Variants in RUBCNL observed in about 807,000 individuals in gnomAD.
RUBCNL encodes protein associated with UVRAG as autophagy enhancer.
RUBCNL carries 62 observed loss-of-function variants against 69.5 expected under a neutral mutation model. That is an observed-to-expected ratio of 0.89 (90% CI 0.73 to 1.10). The LOEUF (loss-of-function observed/expected upper bound fraction) is 1.10, where lower values mean the gene tolerates loss of function less well. Ranked by LOEUF, RUBCNL falls within the 50% of genes least tolerant of loss-of-function variation. RUBCNL has a pLI of 0.00. For missense variants in RUBCNL, 768 were observed against 798.1 expected (o/e 0.96, Z 0.45); for synonymous variants, 291 against 303.6 (o/e 0.96, Z 0.43).
At position 46,368,156 on chromosome 13, in the gene RUBCNL, T is replaced by C; in HGVS notation, c.712A>G (p.Ser238Gly). Residue 238 changes from serine to glycine, a missense_variant, in exon 5 of 15, where the codon AGT becomes GGT. Physicochemically the swap from Ser to Gly is moderately conservative, Grantham distance 56 (BLOSUM62 0). Transcript: ENST00000429979. ...CCAAGTAACCCACTGACTTCTTTAC[T>C]CCAGCTCTCTGTCTGCTGTTGACTC... ...ILSQQQTESW[S>G]KEVSGLLGSD... The C allele has an allele frequency of 1.2e-6, 2 of 1,614,004 alleles. No individual in the cohort carries two copies. Among genetic ancestry groups the C allele is most frequent in the Non-Finnish European group, 1.7e-6 (2 of 1,179,888 alleles).
Position 46,341,565 on chromosome 13 carries a change from T to A in RUBCNL, c.*1820A>T, listed in dbSNP as rs141198577. On this transcript the variant is annotated 3_prime_UTR_variant, in exon 15 of 15. Coordinates refer to ENST00000429979, the MANE Select transcript of RUBCNL (RefSeq NM_025113.5). ...GCACTCTTCCTTAATATCAAAGATA[T>A]GTAACACACACAGGCTCATCAGTGC... Among the ~76,000 whole-genome samples the A allele has an allele frequency of 6.6e-6, 1 of 152,216 alleles. No individual in the cohort carries two copies. Among genetic ancestry groups the A allele is most frequent in the South Asian group, 2.1e-4 (1 of 4,836 alleles).
Position 46,368,743 on chromosome 13 carries a change from T to A in RUBCNL, c.608A>T (p.Asp203Val). 1.2e-6 allele frequency: 2 copies of A among 1,613,334 alleles called. No homozygotes were observed. Among genetic ancestry groups the A allele is most frequent in the African/African-American group, 2.7e-5 (2 of 75,036 alleles). Residue 203 changes from aspartate (D) to valine (V), a missense_variant, in exon 4 of 15, where the codon GAT (aspartate) becomes GTT (valine). Coordinates refer to ENST00000429979, the MANE Select transcript of RUBCNL (RefSeq NM_025113.5). ...GAAGATAGCATTCACCTTTTCTACA[T>A]CAACAGGCAGCACAAATACCTCTGG... ...FSPEVFVLPV[D>V]VEKENAHFYV... is the part of the protein sequence containing the mutation.
Position 46,380,532 on chromosome 13 carries a change from A to C in RUBCNL, c.-238-2527T>G, listed in dbSNP as rs187807712. Among the ~76,000 whole-genome samples, 341 of 152,328 alleles carry C rather than the reference A, an allele frequency of 2.2e-3. 4 individuals carry two copies. The highest frequency in any genetic ancestry group is 0.012 in the South Asian group (57 of 4,820). ...GGGCTGAAATTAGCAGGCTATTTTC[A>C]ATTTCATTAGCAAAGTAATTTTAAG... On this transcript the variant is annotated intron_variant, in intron 1 of 14. Coordinates refer to ENST00000429979, the MANE Select transcript of RUBCNL (RefSeq NM_025113.5).
In RUBCNL at chr13:46,371,359, G is replaced by T. The variant is rs1028092472; in HGVS notation, c.535+582C>A. ...TTTATTGACTCTTGAGTAGTACTTC[G>T]CACGGATTATCCAATTTTTAGGAAT... is the stretch of plus-strand genomic sequence containing the variant. On this transcript the variant is annotated intron_variant, in intron 3 of 14. Coordinates refer to ENST00000429979, the MANE Select transcript of RUBCNL (RefSeq NM_025113.5). Among the ~76,000 whole-genome samples the T allele has an allele frequency of 3.9e-5, 6 of 152,058 alleles. No individual in the cohort carries two copies. In the South Asian group the frequency reaches 8.3e-4, roughly 21 times the overall value.
rs1372061023 is a variant in RUBCNL, at chr13:46,340,528, A to C, written c.*2857T>G. On this transcript the variant is annotated 3_prime_UTR_variant, in exon 15 of 15. Transcript: ENST00000429979. ...TTACAAACAGAGGCTTAGATAATTT[A>C]AATGGCTTCCCCAGTGTCTGAGTCT... 6.6e-6 allele frequency among the ~76,000 whole-genome samples: 1 copy of C among 152,218 alleles called. No individual in the cohort carries two copies. The highest frequency in any genetic ancestry group is 1.5e-5 in the Non-Finnish European group (1 of 68,048).
chr13:46,346,596 A>G (rs1221133172), intron 12 of RUBCNL, among the ~76,000 whole-genome samples: 1 of 152,212 alleles, frequency 6.6e-6, no homozygotes, highest in African/African-American at 2.4e-5. Flanking sequence ...GGTAGGAAGT[A>G]TAGGTATTGT....
chr13:46,384,854 T>C (rs897848749), intron 1 of RUBCNL, among the ~76,000 whole-genome samples: 1 of 152,158 alleles, frequency 6.6e-6, no homozygotes, highest in Non-Finnish European at 1.5e-5. Flanking sequence ...ATTATTATCA[T>C]CATTTTACGG....
At chr13:46,384,960 T>C (rs1164378916) in intron 1 of RUBCNL, among the ~76,000 whole-genome samples, 1 of 152,178 alleles carries the variant, frequency 6.6e-6, no homozygotes, top group Admixed American at 6.5e-5. Flanking sequence ...AGTCTCACCA[T>C]CCATGTTGCC....
chr13:46,368,529 A>G, intron 4 of RUBCNL: 2 of 983,384 alleles, frequency 2.0e-6, no homozygotes, highest in Non-Finnish European at 2.4e-6. Flanking sequence ...TCATTCATCA[A>G]TCACAGAAAA....
chr13:46,375,202 G>C (rs1357639015), intron 2 of RUBCNL, among the ~76,000 whole-genome samples: 2 of 152,252 alleles, frequency 1.3e-5, no homozygotes, highest in East Asian at 3.9e-4. Context: ...TTTATGAATG[G>C]AAAGAACAAA....
At chr13:46,355,576 G>A (rs1437280035) in intron 10 of RUBCNL, among the ~76,000 whole-genome samples, 1 of 152,182 alleles carries the variant, frequency 6.6e-6, no homozygotes, top group African/African-American at 2.4e-5. Context: ...GGGATTACAG[G>A]TGGGAGACAC....
At chr13:46,381,857 T>C (rs1277111030) in intron 1 of RUBCNL, among the ~76,000 whole-genome samples, 1 of 152,146 alleles carries the variant, frequency 6.6e-6, no homozygotes, top group Non-Finnish European at 1.5e-5. Flanking sequence ...CAGGCTAGAG[T>C]GCAGTGGCAT....
At chr13:46,361,407 T>G (rs2048606453) in intron 8 of RUBCNL, 34 bp downstream of exon 8, 1 of 1,610,360 alleles carries the variant, frequency 6.2e-7, no homozygotes, top group African/African-American at 1.3e-5. Flanking sequence ...ATTTAGGAAC[T>G]TTCAATTCAA....
intron 4 of RUBCNL, 99 bp downstream of exon 4, chr13:46,368,634 G>A: frequency 1.5e-6 from 2 of 1,305,668 alleles, no homozygotes; most frequent in Admixed American, 2.3e-5. Flanking sequence ...AAACCTATTT[G>A]TAATGATTCA....
In RUBCNL at chr13:46,335,264, T is replaced by G. The variant is rs879893164; in HGVS notation, c.*8121A>C. On this transcript the variant is annotated 3_prime_UTR_variant, in exon 15 of 15. Transcript: ENST00000429979. ...CTTTTTGTTGTTGTTGTTGTTGTTT[T>G]TTTTTTTTTTTTTTTTTTTTTAAGA... Among the ~76,000 whole-genome samples, 19,614 of 136,620 alleles carry G rather than the reference T, an allele frequency of 0.14. 1,600 individuals carry two copies. Among genetic ancestry groups the G allele is most frequent in the Middle Eastern group, 0.21 (56 of 270 alleles). 89.6% of individuals were successfully genotyped at this position (136,620 alleles called of 152,430 possible). A position where few individuals can be genotyped will look rare whatever the true frequency, so the allele number is the denominator to read the frequency against.
At position 46,343,604 on chromosome 13, in the gene RUBCNL, C is replaced by G. The variant is rs577935302; in HGVS notation, c.1877-107G>C. ...GAGGGAGAGGGGTCTGAATCCAGAG[C>G]CCAGAGTCTTCTAAAAAGAAACCAG... is the stretch of plus-strand genomic sequence containing the variant. On this transcript the variant is annotated intron_variant, in intron 14 of 14. Coordinates refer to ENST00000429979, the MANE Select transcript of RUBCNL (RefSeq NM_025113.5). 1,033 of 1,172,522 alleles carry G rather than the reference C, an allele frequency of 8.8e-4. 16 individuals carry two copies. The South Asian group carries it at 0.016, about 18-fold the overall frequency. 72.6% of individuals were successfully genotyped at this position (1,172,522 alleles called of 1,614,324 possible). A position where few individuals can be genotyped will look rare whatever the true frequency, so the allele number is the denominator to read the frequency against.
At chr13:46,350,082 T>G in intron 11 of RUBCNL, 31 bp downstream of exon 11, 220 of 1,472,838 alleles carry the variant, frequency 1.5e-4, no homozygotes, top group Non-Finnish European at 1.9e-4. Flanking sequence ...ACACTTCCAA[T>G]GAGAGGGATG....
rs370964077 is a variant in RUBCNL, at chr13:46,344,241, T to C, written c.1876+500A>G. Among the ~76,000 whole-genome samples, 339 of 152,162 alleles carry C rather than the reference T, an allele frequency of 2.2e-3. 4 individuals are homozygous for C. Among genetic ancestry groups the C allele is most frequent in the South Asian group, 0.012 (56 of 4,818 alleles). On this transcript the variant is annotated intron_variant, in intron 14 of 14. Transcript: ENST00000429979. ...GTGAAGGCAGAGTTCATTACCAGGA[T>C]CTCTCCCATTAAACAGAGTTTACAG...
intron 12 of RUBCNL, among the ~76,000 whole-genome samples, chr13:46,348,907 G>A (rs2048309531): frequency 1.3e-5 from 2 of 152,010 alleles, no homozygotes; most frequent in Non-Finnish European, 2.9e-5. Context: ...TGGCTGATCT[G>A]ATGGCTTTAT....
Sources: gnomAD v4.1 joint callset for allele counts (sites outside exome capture counted in the v4.1 genomes callset) on GRCh38, gnomAD v4.1.1 for gene constraint, MANE v1.5 for transcripts, NCBI Gene and HGNC (gene_info 2026-07-23, HGNC 2026-07-21) for gene names.